KANSL1: variants seen among roughly 807,000 people sequenced by gnomAD.
KANSL1 encodes the protein KAT8 regulatory NSL complex subunit 1.
Under a neutral mutation model 103.6 loss-of-function variants are expected in KANSL1, and 22 were observed. The observed-to-expected ratio is 0.21, with a 90% CI of 0.15 to 0.30. The LOEUF (loss-of-function observed/expected upper bound fraction) is 0.30, where lower values mean the gene tolerates loss of function less well. KANSL1 is among the 10% of genes least tolerant of loss of function. The pLI is 1.00. For missense variants in KANSL1, 1,337 were observed against 1,399.8 expected (o/e 0.96, Z 0.72); for synonymous variants, 600 against 527.6 (o/e 1.14, Z -1.88).
At chr17:46,178,929 C>T (rs557218303) in intron 1 of KANSL1, among the ~76,000 whole-genome samples, 65 of 152,312 alleles carry the variant, frequency 4.3e-4, no homozygotes, top group East Asian at 1.4e-3. Context: ...ATTGCACCAT[C>T]GGTCCAAGGA....
chr17:46,152,594 G>GGA (rs148676884), intron 2 of KANSL1, among the ~76,000 whole-genome samples: 8,614 of 134,736 alleles, frequency 0.064, 2 homozygotes, highest in Non-Finnish European at 0.095. Flanking sequence ...GGGGGGGGGG[G>GGA]ATTTCAGAGA....
At chr17:46,075,480 G>T (rs1170848849) in intron 4 of KANSL1, among the ~76,000 whole-genome samples, 1 of 132,446 alleles carries the variant, frequency 7.6e-6, no homozygotes, top group Non-Finnish European at 1.8e-5. Context: ...GGGATTACAG[G>T]CGCACACCAC....
At chr17:46,053,806 T>C (rs1344647311) in intron 6 of KANSL1, among the ~76,000 whole-genome samples, 1 of 152,202 alleles carries the variant, frequency 6.6e-6, no homozygotes, top group Non-Finnish European at 1.5e-5. Context: ...TTCATACCCA[T>C]GTTGCACAAA....
At chr17:46,154,997 GAC>G (rs1404869914) in intron 2 of KANSL1, among the ~76,000 whole-genome samples, 1 of 152,116 alleles carries the variant, frequency 6.6e-6, no homozygotes. Context: ...CCATAAAACA[GAC>G]ACAATGCTTA....
chr17:46,090,110 T>G (rs2079325125), intron 3 of KANSL1, among the ~76,000 whole-genome samples: 2 of 152,220 alleles, frequency 1.3e-5, no homozygotes, highest in South Asian at 4.1e-4. Context: ...CATGGAAATC[T>G]ACACAGATGC....
chr17:46,057,529 G>A (rs2077976281), intron 6 of KANSL1, among the ~76,000 whole-genome samples: 2 of 151,992 alleles, frequency 1.3e-5, no homozygotes, highest in Non-Finnish European at 2.9e-5. Context: ...ATGGGTCCAG[G>A]CAATGATCAC....
chr17:46,158,734 T>C (rs2045572218), intron 2 of KANSL1, among the ~76,000 whole-genome samples: 1 of 152,000 alleles, frequency 6.6e-6, no homozygotes, highest in South Asian at 2.1e-4. Flanking sequence ...AGAGACGAGG[T>C]TTCACCATGT....
intron 2 of KANSL1, among the ~76,000 whole-genome samples, chr17:46,122,285 C>G (rs2043315712): frequency 6.6e-6 from 1 of 152,220 alleles, no homozygotes; most frequent in Admixed American, 6.5e-5. Flanking sequence ...AGCCTGCTGC[C>G]TTCGGGATGT....
chr17:46,033,090 G>T lies in KANSL1; in HGVS notation c.2827C>A (p.Arg943=). The change falls in exon 13 of 15, where the codon CGG becomes AGG. Residue 943 remains arginine (R), a synonymous_variant. Transcript: ENST00000432791. The part of the protein sequence containing the change: ...LWTTSVPPQR[R]GSRSYRSSDG... Reference sequence around the variant, plus strand: ...AGCCTGCCCCATCACCTGCTGCCCCGCCGCTGGGGTGGCACACTCGTGGTC... The same window carrying T: ...AGCCTGCCCCATCACCTGCTGCCCCTCCGCTGGGGTGGCACACTCGTGGTC... 1 of 1,583,798 alleles carries T rather than the reference G, an allele frequency of 6.3e-7. No homozygotes were observed. The highest frequency in any genetic ancestry group is 1.8e-5 in the Admixed American group (1 of 56,526).
In KANSL1 at chr17:46,217,875, A is replaced by T. The variant is rs2048391095; in HGVS notation, c.-90+5796T>A. ...CCCTGTTTCTACAAAAAATACAAAAAATTACCTGGGCATGGTGACACGTGA... is the reference window on the plus strand; with the variant it reads ...CCCTGTTTCTACAAAAAATACAAAATATTACCTGGGCATGGTGACACGTGA... On this transcript the variant is annotated intron_variant, in intron 1 of 14. Coordinates refer to the KANSL1 transcript ENST00000572904. Among the ~76,000 whole-genome samples, 4 of 152,184 alleles carry T rather than the reference A, an allele frequency of 2.6e-5. No homozygotes were observed. The South Asian group carries it at 6.2e-4, about 24-fold the overall frequency.
chr17:46,177,913 A>G (rs1426528402), intron 1 of KANSL1, among the ~76,000 whole-genome samples: 2 of 152,152 alleles, frequency 1.3e-5, no homozygotes, highest in African/African-American at 4.8e-5. Context: ...CAGTAGCTGG[A>G]ACTACAGGCG....
chr17:46,107,283 G>A (rs972994763), intron 2 of KANSL1, among the ~76,000 whole-genome samples: 12 of 152,116 alleles, frequency 7.9e-5, no homozygotes, highest in Non-Finnish European at 1.5e-4. Flanking sequence ...TTCTTTTTAC[G>A]GCAAATACTC....
At chr17:46,189,778 A>G (rs1373107447) in intron 1 of KANSL1, among the ~76,000 whole-genome samples, 1 of 152,094 alleles carries the variant, frequency 6.6e-6, no homozygotes, top group Non-Finnish European at 1.5e-5. Context: ...CCAATGGCAC[A>G]TGCCTGTAGT....
chr17:46,090,818 G>A (rs140741891), intron 3 of KANSL1, among the ~76,000 whole-genome samples: 50 of 152,320 alleles, frequency 3.3e-4, no homozygotes, highest in African/African-American at 1.2e-3. Context: ...TTGTGGTGAT[G>A]CTGGTGTAAA....
rs868764723 is a variant in KANSL1 at position 46,200,470 on chromosome 17, C to T, written c.-90+23201G>A. Among the ~76,000 whole-genome samples the T allele has an allele frequency of 1.4e-4, 21 of 152,290 alleles. 1 individual carries two copies. The Middle Eastern group carries it at 0.017, about 123-fold the overall frequency. ...AAAAAATATCTTTACAGGCTGGGTG[C>T]GGTAGCTCATGCCTGTAATCCCAGC... On this transcript the variant is annotated intron_variant, in intron 1 of 14. Transcript: ENST00000572904.
intron 2 of KANSL1, among the ~76,000 whole-genome samples, chr17:46,118,156 TAGATA>T (rs2147163133): frequency 6.6e-6 from 1 of 152,366 alleles, no homozygotes; most frequent in South Asian, 2.1e-4. Flanking sequence ...TTTAAACTCT[TAGATA>T]AAAGAGCACT....
intron 2 of KANSL1, among the ~76,000 whole-genome samples, chr17:46,102,493 G>A (rs536330967): frequency 9.2e-5 from 14 of 152,122 alleles, no homozygotes; most frequent in African/African-American, 2.7e-4. Context: ...CAAATGATCC[G>A]TCTGCCTCAG....
chr17:46,080,312 TAAAAA>T (rs35520207), intron 4 of KANSL1, among the ~76,000 whole-genome samples: 1,252 of 77,750 alleles, frequency 0.016, 7 homozygotes, highest in East Asian at 0.056. Flanking sequence ...GAGCCTGTCT[TAAAAA>T]AAAAAAAAAA....
intron 1 of KANSL1, among the ~76,000 whole-genome samples, chr17:46,201,882 C>T (rs1465466754): frequency 6.6e-6 from 1 of 152,152 alleles, no homozygotes; most frequent in Non-Finnish European, 1.5e-5. Context: ...TGGCATGCAC[C>T]TGTAGTCCCA....
Sources: gnomAD v4.1 joint callset for allele counts (sites outside exome capture counted in the v4.1 genomes callset) on GRCh38, gnomAD v4.1.1 for gene constraint, MANE v1.5 for transcripts, NCBI Gene and HGNC (gene_info 2026-07-23, HGNC 2026-07-21) for gene names.